The following EIF4G3 variants were observed in gnomAD, a reference collection of about 807,000 sequenced individuals.
EIF4G3 encodes the protein eIF-4-gamma 3.
In EIF4G3, 34 loss-of-function variants were observed where a neutral mutation model predicts 186.4. The ratio of observed to expected loss-of-function variants is 0.18; its 90% CI spans 0.14 to 0.24. The LOEUF (loss-of-function observed/expected upper bound fraction) is 0.24, where lower values mean the gene tolerates loss of function less well. Ranked by LOEUF, EIF4G3 falls within the 10% of genes least tolerant of loss-of-function variation. The probability of loss-of-function intolerance (pLI) is 1.00; values close to 1 mark genes in which losing one functional copy is unlikely to be tolerated. For missense variants in EIF4G3, 1,536 were observed against 1,948.5 expected (o/e 0.79, Z 3.99); for synonymous variants, 673 against 679.5 (o/e 0.99, Z 0.15).
At chr1:20,866,127 T>C (rs1229963650) in intron 20 of EIF4G3, among the ~76,000 whole-genome samples, 1 of 152,162 alleles carries the variant, frequency 6.6e-6, no homozygotes, top group Non-Finnish European at 1.5e-5. Context: ...CTCCCAAAGT[T>C]CTGAAATGTA....
At chr1:21,155,920 A>C (rs1371981011) in intron 2 of EIF4G3, among the ~76,000 whole-genome samples, 1 of 152,120 alleles carries the variant, frequency 6.6e-6, no homozygotes, top group African/African-American at 2.4e-5. Flanking sequence ...TGAGGTCAGG[A>C]GTTCAAGACT....
intron 15 of EIF4G3, among the ~76,000 whole-genome samples, chr1:20,902,778 T>A (rs1300287871): frequency 1.3e-5 from 2 of 152,114 alleles, no homozygotes; most frequent in Non-Finnish European, 2.9e-5. Flanking sequence ...GTAGCTGGGA[T>A]TATAGGCGCG....
At chr1:20,911,922 C>T (rs1016326066) in intron 14 of EIF4G3, among the ~76,000 whole-genome samples, 1 of 151,876 alleles carries the variant, frequency 6.6e-6, no homozygotes, top group Non-Finnish European at 1.5e-5. Context: ...TAGCTAGACT[C>T]TGTCACTTAA....
intron 2 of EIF4G3, among the ~76,000 whole-genome samples, chr1:21,120,901 G>A (rs2096914222): frequency 6.6e-6 from 1 of 152,036 alleles, no homozygotes; most frequent in African/African-American, 2.4e-5. Context: ...AACAAGTTTA[G>A]TTTCCTAACC....
chr1:20,919,930 C>T (rs540254980), intron 14 of EIF4G3, among the ~76,000 whole-genome samples: 17 of 143,684 alleles, frequency 1.2e-4, no homozygotes, highest in African/African-American at 2.7e-4. Context: ...TTTTTTAAGA[C>T]GGAGTTTTGC....
At chr1:21,127,932 C>T (rs1241854847) in intron 2 of EIF4G3, among the ~76,000 whole-genome samples, 3 of 152,138 alleles carry the variant, frequency 2.0e-5, no homozygotes, top group Non-Finnish European at 4.4e-5. Context: ...GGGCAGGGCA[C>T]GGTGGCTCAT....
intron 28 of EIF4G3, among the ~76,000 whole-genome samples, chr1:20,851,034 T>C (rs528035725): frequency 2.6e-5 from 4 of 152,274 alleles, no homozygotes; most frequent in Admixed American, 1.3e-4. Flanking sequence ...CTCCTCACCA[T>C]AACATTTAAT....
chr1:21,068,590 T>C (rs1415586811), intron 3 of EIF4G3, among the ~76,000 whole-genome samples: 1 of 152,018 alleles, frequency 6.6e-6, no homozygotes, highest in African/African-American at 2.4e-5. Context: ...TCCACCAAAG[T>C]TCAAATCCAA....
At chr1:21,163,809 T>C (rs1489075526) in intron 2 of EIF4G3, among the ~76,000 whole-genome samples, 2 of 152,216 alleles carry the variant, frequency 1.3e-5, no homozygotes, top group Non-Finnish European at 2.9e-5. Flanking sequence ...TCTGGCTCTG[T>C]AGCCCAGGCT....
chr1:21,032,413 G>A (rs1199810791), intron 4 of EIF4G3, among the ~76,000 whole-genome samples: 1 of 152,144 alleles, frequency 6.6e-6, no homozygotes, highest in Non-Finnish European at 1.5e-5. Context: ...GGATAAATGT[G>A]AATCAAACTT....
At chr1:20,847,746 A>G in intron 29 of EIF4G3, 1 of 470,552 alleles carries the variant, frequency 2.1e-6, no homozygotes, top group Non-Finnish European at 4.4e-6. Context: ...TTCTTTGGCT[A>G]TTTCCCGTTA....
intron 11 of EIF4G3, among the ~76,000 whole-genome samples, chr1:20,970,632 G>A (rs1391991368): frequency 6.7e-6 from 1 of 149,126 alleles, no homozygotes; most frequent in Non-Finnish European, 1.5e-5. Context: ...ATTATCTTAC[G>A]TCCTTACAAT....
chr1:20,822,397 C>G (rs1007085858), intron 33 of EIF4G3, among the ~76,000 whole-genome samples: 1 of 137,230 alleles, frequency 7.3e-6, no homozygotes, highest in Non-Finnish European at 1.6e-5. Flanking sequence ...CGGAGTCTCG[C>G]CCTTTTGTCC....
chr1:20,911,555 T>G (rs2093206942), intron 14 of EIF4G3, among the ~76,000 whole-genome samples: 1 of 78,532 alleles, frequency 1.3e-5, no homozygotes, highest in Non-Finnish European at 2.2e-5. Context: ...ACTGAGACCC[T>G]GCCTCAAAAA....
chr1:21,154,192 T>C (rs965209121), intron 2 of EIF4G3, among the ~76,000 whole-genome samples: 16 of 152,192 alleles, frequency 1.1e-4, no homozygotes, highest in Admixed American at 2.0e-4. Context: ...CATTCTTCCC[T>C]AGGAATGTGC....
At position 20,879,555 on chromosome 1, in the gene EIF4G3, G is replaced by A; in HGVS notation, c.2425-35C>T. 3 of 1,287,626 alleles carry A rather than the reference G, an allele frequency of 2.3e-6. No homozygotes were observed. The South Asian group carries it at 7.0e-5, about 30-fold the overall frequency. 79.8% of individuals were successfully genotyped at this position (1,287,626 alleles called of 1,614,324 possible). ...CCACAAAAAAGAAAAAAGCATTAGA[G>A]TAACTGTGACAATATGGTGCTTTCT... On this transcript the variant is annotated intron_variant, in intron 19 of 36. Transcript: ENST00000602326.
chr1:21,101,659 C>CGG (rs1415999800), intron 2 of EIF4G3, among the ~76,000 whole-genome samples: 1 of 149,464 alleles, frequency 6.7e-6, no homozygotes, highest in Non-Finnish European at 1.5e-5. Flanking sequence ...GGGAGGGACT[C>CGG]ATTCCAACAG....
intron 2 of EIF4G3, among the ~76,000 whole-genome samples, chr1:21,113,093 G>A (rs1351747648): frequency 1.5e-5 from 2 of 136,274 alleles, no homozygotes; most frequent in Non-Finnish European, 1.5e-5. Context: ...CGAAGCTGCA[G>A]TGAGCTATGA....
chr1:21,002,603 T>C lies in EIF4G3; in HGVS notation c.30+110A>G, dbSNP rs2083815632. On this transcript the variant is annotated intron_variant, in intron 5 of 36. Coordinates refer to ENST00000602326, the MANE Select transcript of EIF4G3 (RefSeq NM_001391906.1). ...AGGAGTCATAATAATAAATCATCTTTGGAACAAACTTCCAAAATCCAGTAA... is the reference window on the plus strand; with the variant it reads ...AGGAGTCATAATAATAAATCATCTTCGGAACAAACTTCCAAAATCCAGTAA... The C allele has an allele frequency of 7.9e-6, 9 of 1,141,008 alleles. No individual in the cohort carries two copies. The South Asian group carries it at 1.6e-4, about 20-fold the overall frequency. The allele number at this position is 1,141,008 out of a possible 1,614,324, so 70.7% of individuals were successfully genotyped here. A position where few individuals can be genotyped will look rare whatever the true frequency, so the allele number is the denominator to read the frequency against.
Sources: allele counts gnomAD v4.1 joint callset (sites outside exome capture counted in the v4.1 genomes callset), GRCh38; gene constraint gnomAD v4.1.1; transcripts MANE v1.5; gene names NCBI Gene and HGNC (gene_info 2026-07-23, HGNC 2026-07-21).